The following CACNA2D1 variants were observed in gnomAD, a reference collection of about 807,000 sequenced individuals.
CACNA2D1 encodes calcium voltage-gated channel auxiliary subunit alpha2delta 1, also known as voltage-dependent calcium channel subunit alpha-2/delta-1.
In CACNA2D1, 53 loss-of-function variants were observed where a neutral mutation model predicts 171.5. The observed-to-expected ratio is 0.31, with a 90% CI of 0.25 to 0.39. The LOEUF (loss-of-function observed/expected upper bound fraction) is 0.39, where lower values mean the gene tolerates loss of function less well. Ranked by LOEUF, CACNA2D1 falls within the 10% of genes least tolerant of loss-of-function variation. The probability of loss-of-function intolerance (pLI) is 1.00; values close to 1 mark genes in which losing one functional copy is unlikely to be tolerated. For synonymous variants in CACNA2D1, 442 were observed against 443.1 expected, an observed-to-expected ratio of 1.00 and a Z score of 0.03; for missense variants, 903 against 1,299.8, an observed-to-expected ratio of 0.69 and a Z score of 4.69.
chr7:82,363,870 A>G (rs1415123292), intron 1 of CACNA2D1, among the ~76,000 whole-genome samples: 1 of 152,196 alleles, frequency 6.6e-6, no homozygotes, highest in African/African-American at 2.4e-5. Context: ...AGGAGAATCA[A>G]TAGCCAGTGT....
chr7:82,439,146 G>A (rs1345015130), intron 1 of CACNA2D1, among the ~76,000 whole-genome samples: 4 of 152,080 alleles, frequency 2.6e-5, no homozygotes, highest in African/African-American at 9.6e-5. Flanking sequence ...ACCTTAAGAG[G>A]TGCTTTATAT....
Position 82,351,731 on chromosome 7 carries a change from A to G in CACNA2D1, c.96-2082T>C, listed in dbSNP as rs984907313. Among the ~76,000 whole-genome samples, 25 of 152,244 alleles carry G rather than the reference A, an allele frequency of 1.6e-4. 1 individual carries two copies. Among genetic ancestry groups the G allele is most frequent in the African/African-American group, 5.8e-4 (24 of 41,554 alleles). On this transcript the variant is annotated intron_variant, in intron 1 of 38. Transcript: ENST00000356860. ...TATTATAAGTAAATATTCTTAGTAA[A>G]CATAGTTGTGCCCCATTTTTATATT... is the stretch of plus-strand genomic sequence containing the variant.
intron 3 of CACNA2D1, among the ~76,000 whole-genome samples, chr7:82,297,395 G>A (rs1045778460): frequency 1.3e-5 from 2 of 152,164 alleles, no homozygotes; most frequent in Admixed American, 6.5e-5. Flanking sequence ...TTTGTGGGGG[G>A]AGATGTTGAA....
intron 12 of CACNA2D1, among the ~76,000 whole-genome samples, chr7:82,030,801 G>C (rs1802597194): frequency 6.6e-6 from 1 of 151,804 alleles, no homozygotes; most frequent in Non-Finnish European, 1.5e-5. Flanking sequence ...CCAATTATCA[G>C]AGTAAGATTA....
chr7:82,055,346 A>G (rs1261973962), intron 10 of CACNA2D1, among the ~76,000 whole-genome samples: 1 of 152,090 alleles, frequency 6.6e-6, no homozygotes, highest in African/African-American at 2.4e-5. Context: ...ATCTGATCCT[A>G]TCTCATCTAA....
At chr7:82,311,078 A>C (rs1298677853) in intron 3 of CACNA2D1, among the ~76,000 whole-genome samples, 1 of 152,108 alleles carries the variant, frequency 6.6e-6, no homozygotes, top group Non-Finnish European at 1.5e-5. Context: ...TGTGTCCAAA[A>C]TTTGATGAAA....
chr7:82,393,008 A>G (rs1416793055), intron 1 of CACNA2D1, among the ~76,000 whole-genome samples: 2 of 151,050 alleles, frequency 1.3e-5, no homozygotes, highest in Non-Finnish European at 2.9e-5. Context: ...AAATTCAAAT[A>G]CAATAATAAA....
intron 12 of CACNA2D1, chr7:82,021,183 CA>C (rs1362372964): frequency 1.3e-5 from 2 of 152,018 alleles, no homozygotes; most frequent in Non-Finnish European, 2.9e-5. Context: ...TGCAGTTCTG[CA>C]AAGAGTATTA....
chr7:82,040,664 G>A (rs1803844568), intron 10 of CACNA2D1, among the ~76,000 whole-genome samples: 1 of 152,058 alleles, frequency 6.6e-6, no homozygotes, highest in African/African-American at 2.4e-5. Context: ...TGGAGACAGG[G>A]AAGATGGGGA....
chr7:82,012,268 G>T (rs1417729525), intron 14 of CACNA2D1, 25 bp from the exon 15 acceptor site: 1 of 966,680 alleles, frequency 1.0e-6, no homozygotes, highest in Admixed American at 2.2e-5. Context: ...AAAAAAAAAA[G>T]TCGTGGTTAA....
chr7:82,438,918 AT>A (rs915643162), intron 1 of CACNA2D1, among the ~76,000 whole-genome samples: 3 of 152,118 alleles, frequency 2.0e-5, no homozygotes, highest in Admixed American at 6.5e-5. Context: ...TGAAATTCTG[AT>A]TTTTTTCCCA....
chr7:82,075,449 G>C (rs1301509087), intron 7 of CACNA2D1, among the ~76,000 whole-genome samples: 1 of 152,140 alleles, frequency 6.6e-6, no homozygotes, highest in Non-Finnish European at 1.5e-5. Flanking sequence ...GGAAATAAGC[G>C]TGAGCACAGT....
At chr7:82,383,206 T>G (rs1823907042) in intron 1 of CACNA2D1, among the ~76,000 whole-genome samples, 1 of 152,186 alleles carries the variant, frequency 6.6e-6, no homozygotes, top group Non-Finnish European at 1.5e-5. Flanking sequence ...TTTACAGAAA[T>G]TGTTCTTCAG....
chr7:82,007,804 G>C (rs1056667235), intron 15 of CACNA2D1, 48 bp from the exon 16 acceptor site: 3 of 1,133,880 alleles, frequency 2.6e-6, no homozygotes, highest in Non-Finnish European at 4.0e-6. Context: ...TACAATTTAA[G>C]CTTTGTCAGA....
chr7:82,211,370 C>T (rs1038237083), intron 3 of CACNA2D1, among the ~76,000 whole-genome samples: 7 of 152,086 alleles, frequency 4.6e-5, no homozygotes, highest in Admixed American at 1.3e-4. Context: ...CACCCTCCAC[C>T]CTTAAGTAAG....
Position 82,172,640 on chromosome 7 carries a change from T to TTTTC in CACNA2D1, c.295-2032_295-2031insGAAA, listed in dbSNP as rs1491222972. Among the ~76,000 whole-genome samples the TTTTC allele has an allele frequency of 3.5e-3, 267 of 77,276 alleles. 8 individuals carry two copies. The highest frequency in any genetic ancestry group is 0.013 in the African/African-American group (250 of 19,974). 50.7% of individuals were successfully genotyped at this position (77,276 alleles called of 152,430 possible). On this transcript the variant is annotated intron_variant, in intron 3 of 38. Coordinates refer to ENST00000356860, the MANE Select transcript of CACNA2D1 (RefSeq NM_000722.4). Reference sequence around the variant, plus strand: ...GCTTTTTTTTTTTTTTTTTTTTTTTTGGTAAAGATGGGGTCTCAAACTCCT... The same window carrying TTTTC: ...GCTTTTTTTTTTTTTTTTTTTTTTTTTTTCGGTAAAGATGGGGTCTCAAACTCCT...
chr7:82,110,709 C>T (rs1485565698), intron 6 of CACNA2D1, among the ~76,000 whole-genome samples: 1 of 152,124 alleles, frequency 6.6e-6, no homozygotes, highest in African/African-American at 2.4e-5. Context: ...TTTCCATGGC[C>T]ACAGCCTTCT....
At chr7:82,399,257 T>G (rs1585812597) in intron 1 of CACNA2D1, among the ~76,000 whole-genome samples, 1 of 152,076 alleles carries the variant, frequency 6.6e-6, no homozygotes, top group Non-Finnish European at 1.5e-5. Flanking sequence ...CTGGTCCACA[T>G]GACAAAACCC....
At chr7:82,264,102 A>T (rs1255702707) in intron 3 of CACNA2D1, among the ~76,000 whole-genome samples, 3 of 152,214 alleles carry the variant, frequency 2.0e-5, no homozygotes, top group African/African-American at 7.2e-5. Context: ...GAGAAAACAG[A>T]CACCCATTTC....
Sources: gnomAD v4.1 joint callset for allele counts (sites outside exome capture counted in the v4.1 genomes callset) on GRCh38, gnomAD v4.1.1 for gene constraint, MANE v1.5 for transcripts, NCBI Gene and HGNC (gene_info 2026-07-23, HGNC 2026-07-21) for gene names.